COA8: variants seen among roughly 807,000 people sequenced by gnomAD.
The protein encoded by COA8 is cytochrome c oxidase assembly factor 8, also known as UPF0671 protein C14orf153.
COA8 carries 20 observed loss-of-function variants against 22.0 expected under a neutral mutation model. That is an observed-to-expected ratio of 0.91 (90% CI 0.64 to 1.32). The LOEUF is 1.32. Among genes scored for constraint, COA8 ranks in the 40% most tolerant of loss-of-function variants. The probability of loss-of-function intolerance (pLI) is 0.00; values close to 1 mark genes in which losing one functional copy is unlikely to be tolerated. For missense variants in COA8, 266 were observed against 230.0 expected (o/e 1.16, Z -1.01); for synonymous variants, 105 against 79.9 (o/e 1.31, Z -1.68).
intron 3 of COA8, among the ~76,000 whole-genome samples, chr14:103,585,433 C>G (rs538031817): frequency 1.2e-4 from 17 of 146,244 alleles, no homozygotes; most frequent in African/African-American, 3.8e-4. Flanking sequence ...GAGCCGAGAT[C>G]GTACCATTGC....
intron 3 of COA8, among the ~76,000 whole-genome samples, chr14:103,582,178 TC>T (rs751242400): frequency 6.6e-6 from 1 of 151,952 alleles, no homozygotes; most frequent in Non-Finnish European, 1.5e-5. Flanking sequence ...AGACCTCACT[TC>T]CTGTTCGGGG....
At chr14:103,574,511 T>C (rs1308894230) in intron 3 of COA8, 1 of 497,336 alleles carries the variant, frequency 2.0e-6, no homozygotes, top group Non-Finnish European at 3.9e-6. Context: ...GTGCTCAAAA[T>C]AGCCTCTCCT....
chr14:103,568,220 T>C (rs1304171997), intron 1 of COA8, among the ~76,000 whole-genome samples: 1 of 152,146 alleles, frequency 6.6e-6, no homozygotes, highest in Admixed American at 6.6e-5. Flanking sequence ...AGGAATAGGG[T>C]GCAGGAGAAA....
At chr14:103,580,056 C>T (rs2076256050) in intron 3 of COA8, among the ~76,000 whole-genome samples, 1 of 151,140 alleles carries the variant, frequency 6.6e-6, no homozygotes, top group Non-Finnish European at 1.5e-5. Context: ...TGACTTAAAG[C>T]ATATGGGAGG....
chr14:103,588,491 A>G (rs939633317), intron 4 of COA8, among the ~76,000 whole-genome samples: 2 of 151,440 alleles, frequency 1.3e-5, no homozygotes, highest in Non-Finnish European at 2.9e-5. Flanking sequence ...ATATATATAT[A>G]TATATAAAAC....
intron 1 of COA8, among the ~76,000 whole-genome samples, chr14:103,564,022 G>A (rs780219541): frequency 1.3e-4 from 20 of 152,018 alleles, no homozygotes; most frequent in Non-Finnish European, 2.2e-4. Context: ...GCATAGTGGC[G>A]CGCGCCTGTA....
At position 103,564,571 on chromosome 14, in the gene COA8, CTTTTTTTTTTTTTT is replaced by C. The variant is rs561702478; in HGVS notation, c.123+1460_123+1473del. Among the ~76,000 whole-genome samples, 346 of 91,498 alleles carry C rather than the reference CTTTTTTTTTTTTTT, an allele frequency of 3.8e-3. 4 individuals carry two copies. Among genetic ancestry groups the C allele is most frequent in the African/African-American group, 0.015 (328 of 21,224 alleles). 60.0% of individuals were successfully genotyped at this position (91,498 alleles called of 152,430 possible). On this transcript the variant is annotated intron_variant, in intron 1 of 4. Coordinates refer to ENST00000409074, the MANE Select transcript of COA8 (RefSeq NM_001370595.2). Reference sequence around the variant, plus strand: ...GATTTCTCTATTGTCATATACACTTCTTTTTTTTTTTTTTTTTTTTTTTTTTGAGTTGGAGTCTC... The same window carrying C: ...GATTTCTCTATTGTCATATACACTTCTTTTTTTTTTTTGAGTTGGAGTCTC...
intron 1 of COA8, 68 bp downstream of exon 1, chr14:103,563,192 G>A: frequency 6.7e-7 from 1 of 1,495,418 alleles, no homozygotes; most frequent in South Asian, 1.2e-5. Flanking sequence ...CCGGGCCTCG[G>A]GGCCACTCCC....
At chr14:103,571,871 TA>T in intron 2 of COA8, 51 bp downstream of exon 2, 1 of 1,516,870 alleles carries the variant, frequency 6.6e-7, no homozygotes, top group Non-Finnish European at 9.1e-7. Flanking sequence ...CTCACGCCTG[TA>T]ATCCCAGCAC....
intron 3 of COA8, 30 bp downstream of exon 3, chr14:103,574,200 GCTTT>G (rs1566980792): frequency 6.4e-7 from 1 of 1,559,876 alleles, no homozygotes; most frequent in Admixed American, 1.8e-5. Flanking sequence ...TGTTTTTTTT[GCTTT>G]CTTTGCGTTT....
chr14:103,568,498 C>T (rs182871309), intron 1 of COA8, among the ~76,000 whole-genome samples: 132 of 151,648 alleles, frequency 8.7e-4, no homozygotes, highest in African/African-American at 3.1e-3. Flanking sequence ...CATATATATA[C>T]ACACATGTAT....
chr14:103,568,820 C>T lies in COA8; in HGVS notation c.124-2803C>T, dbSNP rs561613535. On this transcript the variant is annotated intron_variant, in intron 1 of 4. Transcript: ENST00000409074. The stretch of plus-strand genomic sequence containing the variant: ...TATTTTTTGGTATTTTAAGTAGAGG[C>T]GGGGTTTCACCATGTTGGCCAGGCT... 2.4e-3 allele frequency among the ~76,000 whole-genome samples: 368 copies of T among 152,018 alleles called. 1 individual carries two copies. Among genetic ancestry groups the T allele is most frequent in the Non-Finnish European group, 4.7e-3 (318 of 67,974 alleles).
At chr14:103,565,669 G>A (rs1430532102) in intron 1 of COA8, among the ~76,000 whole-genome samples, 1 of 149,218 alleles carries the variant, frequency 6.7e-6, no homozygotes, top group African/African-American at 2.5e-5. Flanking sequence ...AGGCTGGAGT[G>A]CAGTGGCGTG....
intron 3 of COA8, among the ~76,000 whole-genome samples, chr14:103,582,467 A>C (rs1022518471): frequency 6.6e-6 from 1 of 152,170 alleles, no homozygotes; most frequent in African/African-American, 2.4e-5. Flanking sequence ...AAACAGCCCC[A>C]CCAGCACGCG....
chr14:103,564,863 G>A (rs1176491873), intron 1 of COA8, among the ~76,000 whole-genome samples: 1 of 152,060 alleles, frequency 6.6e-6, no homozygotes, highest in Admixed American at 6.6e-5. Flanking sequence ...TTACAAGTGT[G>A]AGCCACCACT....
At chr14:103,569,320 A>G (rs1385989592) in intron 1 of COA8, among the ~76,000 whole-genome samples, 1 of 152,244 alleles carries the variant, frequency 6.6e-6, no homozygotes, top group Non-Finnish European at 1.5e-5. Context: ...AGGGAAGAAC[A>G]AAGGAAGATA....
chr14:103,590,367 T>C lies in COA8; in HGVS notation c.*81T>C. On this transcript the variant is annotated 3_prime_UTR_variant, in exon 5 of 5. Coordinates refer to ENST00000409074, the MANE Select transcript of COA8 (RefSeq NM_001370595.2). Reference sequence around the variant, plus strand: ...CTTTCACAGGGGCTCTGAGAAAAACTGGAGCTGATCTCAAGAAGCCCCACA... The same window carrying C: ...CTTTCACAGGGGCTCTGAGAAAAACCGGAGCTGATCTCAAGAAGCCCCACA... The C allele has an allele frequency of 7.5e-7, 1 of 1,333,818 alleles. No individual in the cohort carries two copies. The highest frequency in any genetic ancestry group is 2.3e-5 in the East Asian group (1 of 43,038). 82.6% of individuals were successfully genotyped at this position (1,333,818 alleles called of 1,614,324 possible). A position where few individuals can be genotyped will look rare whatever the true frequency, so the allele number is the denominator to read the frequency against.
intron 3 of COA8, among the ~76,000 whole-genome samples, chr14:103,584,903 G>A (rs1386085510): frequency 6.6e-6 from 1 of 152,172 alleles, no homozygotes; most frequent in Admixed American, 6.6e-5. Context: ...ACTCTGGGAG[G>A]CCAAGGCGGG....
intron 3 of COA8, among the ~76,000 whole-genome samples, chr14:103,577,310 A>G (rs2076236643): frequency 6.6e-6 from 1 of 152,010 alleles, no homozygotes; most frequent in South Asian, 2.1e-4. Flanking sequence ...TCCTGACCTC[A>G]AGTGATCTTC....
Sources: gnomAD v4.1 joint callset for allele counts (sites outside exome capture counted in the v4.1 genomes callset) on GRCh38, gnomAD v4.1.1 for gene constraint, MANE v1.5 for transcripts, NCBI Gene and HGNC (gene_info 2026-07-23, HGNC 2026-07-21) for gene names.